Variants in CWF19L2 observed in about 807,000 individuals in gnomAD.
CWF19L2 encodes CWF19 like cell cycle control factor 2.
CWF19L2 carries 98 observed loss-of-function variants against 111.7 expected under a neutral mutation model. That is an observed-to-expected ratio of 0.88 (90% CI 0.75 to 1.04). The LOEUF is 1.04. Ranked by LOEUF, CWF19L2 falls within the 50% of genes least tolerant of loss-of-function variation. The pLI is 0.00. For synonymous variants in CWF19L2, 351 were observed against 342.9 expected, an observed-to-expected ratio of 1.02 and a Z score of -0.26; for missense variants, 1,101 against 1,051.4, an observed-to-expected ratio of 1.05 and a Z score of -0.65.
chr11:107,330,689 C>CAT (rs58207804), intron 16 of CWF19L2, among the ~76,000 whole-genome samples: 5,743 of 141,478 alleles, frequency 0.041, 319 homozygotes, highest in Non-Finnish European at 0.046. Flanking sequence ...CACACACACA[C>CAT]TTTAAACTAT....
rs544214811 is a variant in CWF19L2, at chr11:107,437,879, A to G, written c.664+1211T>C. Among the ~76,000 whole-genome samples the G allele has an allele frequency of 3.9e-5, 6 of 152,326 alleles. No individual in the cohort carries two copies. The East Asian group carries it at 1.2e-3, about 29-fold the overall frequency. ...GCCTAGATCATAAAAACAGCCCTAC[A>G]TAGTAATAGTTGAGTGAGCTAACTT... On this transcript the variant is annotated intron_variant, in intron 6 of 17. Coordinates refer to ENST00000282251, the MANE Select transcript of CWF19L2 (RefSeq NM_152434.3).
intron 10 of CWF19L2, among the ~76,000 whole-genome samples, chr11:107,409,138 G>C (rs1861121465): frequency 6.6e-6 from 1 of 151,320 alleles, no homozygotes; most frequent in Non-Finnish European, 1.5e-5. Flanking sequence ...CATATTCTGG[G>C]AATCACACCA....
At chr11:107,449,549 G>C (rs971424787) in intron 3 of CWF19L2, among the ~76,000 whole-genome samples, 1 of 151,954 alleles carries the variant, frequency 6.6e-6, no homozygotes, top group Admixed American at 6.6e-5. Context: ...ATATGTAGAA[G>C]TAAAATATAT....
At chr11:107,389,809 T>C (rs1470114011) in intron 12 of CWF19L2, among the ~76,000 whole-genome samples, 1 of 152,104 alleles carries the variant, frequency 6.6e-6, no homozygotes. Context: ...TCTTAAATGG[T>C]AGAGGAAATG....
At chr11:107,353,873 A>G in intron 12 of CWF19L2, 137 bp from the exon 13 acceptor site, 1 of 655,670 alleles carries the variant, frequency 1.5e-6, no homozygotes, top group Non-Finnish European at 2.6e-6. Context: ...AACATGATTA[A>G]TATTTGTTTG....
At chr11:107,342,669 A>G (rs2134533905) in intron 14 of CWF19L2, among the ~76,000 whole-genome samples, 1 of 152,256 alleles carries the variant, frequency 6.6e-6, no homozygotes, top group Middle Eastern at 3.4e-3. Context: ...TGGTTATAGC[A>G]GGCTGACTAA....
intron 16 of CWF19L2, among the ~76,000 whole-genome samples, chr11:107,330,634 ACCC>A (rs1555013284): frequency 9.5e-6 from 1 of 105,422 alleles, no homozygotes; most frequent in Non-Finnish European, 1.9e-5. Context: ...CTCTACACAC[ACCC>A]CCCCCACCAC....
chr11:107,448,729 T>C (rs1411899191), intron 3 of CWF19L2, among the ~76,000 whole-genome samples: 2 of 152,094 alleles, frequency 1.3e-5, no homozygotes, highest in Non-Finnish European at 2.9e-5. Flanking sequence ...ATTAGTGCCC[T>C]TATAAAACAT....
At chr11:107,399,431 T>A (rs951747825) in intron 10 of CWF19L2, among the ~76,000 whole-genome samples, 1 of 152,118 alleles carries the variant, frequency 6.6e-6, no homozygotes, top group Non-Finnish European at 1.5e-5. Context: ...TATTCTTATA[T>A]CAGACAAAAC....
At chr11:107,368,852 A>T (rs1391366728) in intron 12 of CWF19L2, among the ~76,000 whole-genome samples, 1 of 138,204 alleles carries the variant, frequency 7.2e-6, no homozygotes, top group Non-Finnish European at 1.6e-5. Context: ...TGTGATAATA[A>T]TGTATTTTAA....
chr11:107,407,462 G>T (rs1861095855), intron 10 of CWF19L2, among the ~76,000 whole-genome samples: 1 of 151,092 alleles, frequency 6.6e-6, no homozygotes, highest in African/African-American at 2.4e-5. Flanking sequence ...CAAAACCTAA[G>T]TCTCAAATGC....
intron 10 of CWF19L2, among the ~76,000 whole-genome samples, chr11:107,410,164 A>G (rs1331777207): frequency 1.3e-5 from 2 of 152,108 alleles, no homozygotes; most frequent in Admixed American, 6.6e-5. Context: ...CGTTCTATGC[A>G]TGGGGTTTTC....
At chr11:107,443,489 A>C (rs112651270) in intron 3 of CWF19L2, among the ~76,000 whole-genome samples, 4 of 151,960 alleles carry the variant, frequency 2.6e-5, no homozygotes, top group Non-Finnish European at 5.9e-5. Context: ...AAAAAAAAAA[A>C]TTTTTTTAAA....
At position 107,397,668 on chromosome 11, in the gene CWF19L2, C is replaced by A. The variant is rs187693910; in HGVS notation, c.1618-4773G>T. ...CCAGTCTCTCTCCACCCTACTACAG[C>A]TGATGCTCTCTGGAAAGTGCCACCT... On this transcript the variant is annotated intron_variant, in intron 10 of 17. Transcript: ENST00000282251. 2.5e-3 allele frequency among the ~76,000 whole-genome samples: 386 copies of A among 152,214 alleles called. 2 individuals are homozygous for A. Among genetic ancestry groups the A allele is most frequent in the Non-Finnish European group, 4.2e-3 (283 of 68,004 alleles).
At chr11:107,348,203 A>C (rs1860108604) in intron 14 of CWF19L2, among the ~76,000 whole-genome samples, 1 of 152,144 alleles carries the variant, frequency 6.6e-6, no homozygotes, top group South Asian at 2.1e-4. Flanking sequence ...AGCATGCTGC[A>C]AAGACTAGTC....
At chr11:107,429,806 CAAAA>C (rs33980353) in intron 7 of CWF19L2, among the ~76,000 whole-genome samples, 1 of 105,694 alleles carries the variant, frequency 9.5e-6, no homozygotes, top group Non-Finnish European at 2.0e-5. Flanking sequence ...AGATTCTCAC[CAAAA>C]AAAAAAAAAA....
intron 9 of CWF19L2, among the ~76,000 whole-genome samples, chr11:107,417,888 T>G (rs1377656986): frequency 6.6e-6 from 1 of 152,090 alleles, no homozygotes; most frequent in Non-Finnish European, 1.5e-5. Context: ...GCCACCCCGA[T>G]AGCTGGAATT....
chr11:107,395,378 T>C (rs983581110), intron 10 of CWF19L2, among the ~76,000 whole-genome samples: 6 of 152,230 alleles, frequency 3.9e-5, no homozygotes, highest in East Asian at 3.8e-4. Flanking sequence ...GTTTCGGGTA[T>C]GTCTTTATCA....
chr11:107,430,210 G>GA (rs200097533), intron 7 of CWF19L2, among the ~76,000 whole-genome samples: 150 of 136,796 alleles, frequency 1.1e-3, no homozygotes, highest in South Asian at 2.6e-3. Context: ...AAAACTCAAG[G>GA]AAAAAAAAAA....
Sources: gnomAD v4.1 joint callset for allele counts (sites outside exome capture counted in the v4.1 genomes callset) on GRCh38, gnomAD v4.1.1 for gene constraint, MANE v1.5 for transcripts, NCBI Gene and HGNC (gene_info 2026-07-23, HGNC 2026-07-21) for gene names.